DNHD1: variants seen among roughly 807,000 people sequenced by gnomAD.
The protein encoded by DNHD1 is dynein heavy chain domain-containing protein 1.
Under a neutral mutation model 458.1 loss-of-function variants are expected in DNHD1, and 383 were observed. The observed-to-expected ratio is 0.84, with a 90% confidence interval of 0.77 to 0.91. DNHD1 has a LOEUF of 0.91. Ranked by LOEUF, DNHD1 falls within the 40% of genes least tolerant of loss-of-function variation. The pLI is 0.00. For missense variants in DNHD1, 5,336 were observed against 5,866.1 expected (o/e 0.91, Z 2.95); for synonymous variants, 2,203 against 2,376.9 (o/e 0.93, Z 2.13).
chr11:6,534,267 C>A, intron 14 of DNHD1, 94 bp downstream of exon 14: 1 of 1,316,966 alleles, frequency 7.6e-7, no homozygotes, highest in Non-Finnish European at 1.0e-6. Flanking sequence ...TCCTGTATGA[C>A]CCCAAGCAAG....
chr11:6,512,290 G>T (rs1349380336), intron 7 of DNHD1, among the ~76,000 whole-genome samples: 1 of 133,694 alleles, frequency 7.5e-6, no homozygotes, highest in Admixed American at 8.4e-5. Context: ...GCGGGATCTC[G>T]GCTCACTGCA....
At chr11:6,538,332 C>T in intron 14 of DNHD1, 51 bp from the exon 15 acceptor site, 1 of 1,541,120 alleles carries the variant, frequency 6.5e-7, no homozygotes, top group Non-Finnish European at 8.8e-7. Context: ...TCCACCACCC[C>T]CCTCCCAACA....
chr11:6,534,867 C>T (rs1475884122), intron 14 of DNHD1, among the ~76,000 whole-genome samples: 2 of 152,216 alleles, frequency 1.3e-5, no homozygotes, highest in African/African-American at 4.8e-5. Context: ...CCATCTCAGC[C>T]TCCTGAGTAG....
chr11:6,546,176 C>A lies in DNHD1; in HGVS notation c.5237C>A (p.Pro1746His), dbSNP rs1251983142. 1 of 1,551,064 alleles carries A rather than the reference C, an allele frequency of 6.4e-7. No homozygotes were observed. Among genetic ancestry groups the A allele is most frequent in the Admixed American group, 2.0e-5 (1 of 50,978 alleles). The change falls in exon 21 of 43, where the codon CCT (proline) becomes CAT (histidine). Residue 1746 changes from proline to histidine, a missense_variant. Around this residue, in one of 4 missense-constraint regions of DNHD1, gnomAD observed 3,932 missense variants for 4,365.6 expected, o/e 0.90. Coordinates refer to ENST00000254579, the MANE Select transcript of DNHD1 (RefSeq NM_144666.3). ...LLLEKVHQLP[P>H]GLLSALGQRL... The stretch of plus-strand genomic sequence containing the variant: ...TTGGAGAAAGTTCATCAGCTGCCCC[C>A]TGGCTTGCTCTCTGCCCTGGGCCAG...
Position 6,520,591 on chromosome 11 carries a change from T to C in DNHD1, c.1837+302T>C. Reference sequence around the variant, plus strand: ...CAAACTCTGTGAGGTTTTTCTCCAGTGCCATAATTGCATTTCATTTACTAC... The same window carrying C: ...CAAACTCTGTGAGGTTTTTCTCCAGCGCCATAATTGCATTTCATTTACTAC... On this transcript the variant is annotated intron_variant, in intron 10 of 42. Coordinates refer to ENST00000254579, the MANE Select transcript of DNHD1 (RefSeq NM_144666.3). 3.3e-6 allele frequency: 4 copies of C among 1,213,612 alleles called. No homozygotes were observed. The South Asian group carries it at 8.7e-5, about 26-fold the overall frequency. 75.2% of individuals were successfully genotyped at this position (1,213,612 alleles called of 1,614,324 possible). A position where few individuals can be genotyped will look rare whatever the true frequency, so the allele number is the denominator to read the frequency against.
At chr11:6,529,170 A>G (rs770995233) in intron 12 of DNHD1, 49 bp downstream of exon 12, 16 of 1,541,830 alleles carry the variant, frequency 1.0e-5, no homozygotes, top group South Asian at 3.6e-5. Context: ...CTGTATGTCT[A>G]TTCACATGGC....
chr11:6,517,649 CTTCTTTTTTTTT>C (rs1852506577), intron 7 of DNHD1, among the ~76,000 whole-genome samples: 1 of 85,614 alleles, frequency 1.2e-5, no homozygotes, highest in Admixed American at 1.7e-4. Flanking sequence ...TGATCTAGGA[CTTCTTTTTTTTT>C]TTTTTTTTTT....
Position 6,545,857 on chromosome 11 carries a change from A to AT in DNHD1, c.4919dup (p.Asp1641ArgfsTer17). ...CTCTCTGTCACCAGCGGCATGCTGG[A>AT]TAGATGTGCTAGGCAGGTCCTTCCT... On this transcript the variant is annotated frameshift_variant, in exon 21 of 43. Transcript: ENST00000254579. The surrounding 1 kb of genome is among the most constrained non-coding windows in gnomAD (Gnocchi z 4.9). The AT allele has an allele frequency of 6.4e-7, 1 of 1,551,836 alleles. No individual in the cohort carries two copies. Among genetic ancestry groups the AT allele is most frequent in the Non-Finnish European group, 8.7e-7 (1 of 1,146,990 alleles).
At position 6,567,175 on chromosome 11, in the gene DNHD1, T is replaced by C; in HGVS notation, c.11666T>C (p.Leu3889Pro). The C allele has an allele frequency of 1.2e-6, 2 of 1,614,020 alleles. No individual in the cohort carries two copies. The highest frequency in any genetic ancestry group is 1.7e-6 in the Non-Finnish European group (2 of 1,179,888). Residue 3889 changes from leucine (L) to proline (P), a missense_variant, in exon 36 of 43, where the codon CTG becomes CCG. By Grantham distance (98) the Leu-to-Pro change is moderately conservative (BLOSUM62 -3). Transcript: ENST00000254579. ...ENWLAVTKQALDSMKPREINH... is the reference protein window; with the variant it reads ...ENWLAVTKQAPDSMKPREINH... ...TGGCTGGCAGTCACTAAGCAGGCTC[T>C]GGACAGCATGAAGCCACGTGAGATT...
In DNHD1 at chr11:6,566,652, G is replaced by A; in HGVS notation, c.11272G>A (p.Glu3758Lys). ...LDLGLNMEILEEQMLHEILCR... is the reference protein window; with the variant it reads ...LDLGLNMEILKEQMLHEILCR... ...TCTGGGCCTGAACATGGAAATACTG[G>A]AAGAACAGATGCTGCATGAAATCTT... The change falls in exon 35 of 43, where the codon GAA becomes AAA. Residue 3758 changes from glutamate (E) to lysine (K), a missense_variant. Around this residue, in one of 4 missense-constraint regions of DNHD1, gnomAD observed 695 missense variants for 804.2 expected, o/e 0.86. Transcript: ENST00000254579. The A allele has an allele frequency of 1.2e-6, 2 of 1,613,784 alleles. No individual in the cohort carries two copies. Among genetic ancestry groups the A allele is most frequent in the Non-Finnish European group, 1.7e-6 (2 of 1,179,826 alleles).
rs1371581924 is a variant in DNHD1 at position 6,571,793 on chromosome 11, C to A, written c.14069C>A (p.Ala4690Asp). Residue 4690 changes from alanine to aspartate, a missense_variant, in exon 43 of 43, where the codon GCC (alanine) becomes GAC (aspartate). By Grantham distance (126) the Ala-to-Asp change is moderately radical. Coordinates refer to ENST00000254579, the MANE Select transcript of DNHD1 (RefSeq NM_144666.3). The surrounding 1 kb of genome is among the most constrained non-coding windows in gnomAD (Gnocchi z 5.0). ...CCTCCCGTCAGCATCAGCACACAGG[C>A]CCCGGGCACCAGTGACCTGCCAGCC... ...PLPPVSISTQAPGTSDLPAPA... is the reference protein window; with the variant it reads ...PLPPVSISTQDPGTSDLPAPA... 3 of 1,613,884 alleles carry A rather than the reference C, an allele frequency of 1.9e-6. No homozygotes were observed. In the African/African-American group the frequency reaches 4.0e-5, roughly 22 times the overall value.
intron 19 of DNHD1, 43 bp downstream of exon 19, chr11:6,544,289 G>A (rs1853160323): frequency 1.3e-6 from 2 of 1,550,210 alleles, no homozygotes; most frequent in African/African-American, 1.4e-5. Flanking sequence ...GAGACCTGAG[G>A]CAGGATGTCC....
At position 6,548,946 on chromosome 11, in the gene DNHD1, G is replaced by T; in HGVS notation, c.7387+13G>T. On this transcript the variant is annotated intron_variant, in intron 24 of 42. Coordinates refer to ENST00000254579, the MANE Select transcript of DNHD1 (RefSeq NM_144666.3). This position sits in a 1 kb window ranked among gnomAD's most constrained non-coding sequence, Gnocchi z 4.4. ...CTAGCCACTTCTGGTGAGGAGCTGC[G>T]AAGAGGGAAGGAAGGAGCTACTGTC... 6.4e-7 allele frequency: 1 copy of T among 1,550,780 alleles called. No individual in the cohort carries two copies. Among genetic ancestry groups the T allele is most frequent in the East Asian group, 2.4e-5 (1 of 40,922 alleles).
chr11:6,529,179 G>A, intron 12 of DNHD1, 58 bp downstream of exon 12: 1 of 1,533,566 alleles, frequency 6.5e-7, no homozygotes, highest in Admixed American at 2.0e-5. Flanking sequence ...TATTCACATG[G>A]CCTGCCTTGG....
rs180726727 is a variant in DNHD1 at position 6,504,915 on chromosome 11, C to T, written c.920+1989C>T. On this transcript the variant is annotated intron_variant, in intron 4 of 42. Coordinates refer to ENST00000254579, the MANE Select transcript of DNHD1 (RefSeq NM_144666.3). ...GCTTGAACAGAGCTTGCTGTAGCCT[C>T]CACCTTCTGGGCTCAAGTGATCCTC... is the stretch of plus-strand genomic sequence containing the variant. 2.2e-3 allele frequency among the ~76,000 whole-genome samples: 332 copies of T among 152,276 alleles called. 2 individuals are homozygous for T. Among genetic ancestry groups the T allele is most frequent in the African/African-American group, 7.3e-3 (305 of 41,546 alleles).
intron 7 of DNHD1, among the ~76,000 whole-genome samples, chr11:6,513,513 G>A (rs1589868738): frequency 1.3e-5 from 2 of 152,282 alleles, no homozygotes; most frequent in African/African-American, 2.4e-5. Context: ...ATGTTTGTGA[G>A]ATTTATCCGT....
chr11:6,523,600 G>T (rs1358176070), intron 10 of DNHD1, among the ~76,000 whole-genome samples: 2 of 152,136 alleles, frequency 1.3e-5, no homozygotes, highest in African/African-American at 2.4e-5. Context: ...TGACTCATAT[G>T]TATTATATCA....
Position 6,529,060 on chromosome 11 carries a change from C to A in DNHD1, c.2286C>A (p.Ile762=). 1 of 1,550,826 alleles carries A rather than the reference C, an allele frequency of 6.4e-7. No individual in the cohort carries two copies. Among genetic ancestry groups the A allele is most frequent in the East Asian group, 2.4e-5 (1 of 40,918 alleles). Residue 762 remains isoleucine (I), a synonymous_variant, in exon 12 of 43, where the codon ATC becomes ATA. Transcript: ENST00000254579. ...VWQARVSSMP[I]ELLTKGGLLL... is the part of the protein sequence containing the mutation. ...AGGCCCGTGTCTCCAGTATGCCTATCGAGTTGCTCACAAAAGGCGGGTTGC... is the reference window on the plus strand; with the variant it reads ...AGGCCCGTGTCTCCAGTATGCCTATAGAGTTGCTCACAAAAGGCGGGTTGC...
chr11:6,537,274 T>C (rs1433959068), intron 14 of DNHD1, among the ~76,000 whole-genome samples: 1 of 152,184 alleles, frequency 6.6e-6, no homozygotes, highest in Non-Finnish European at 1.5e-5. Flanking sequence ...GAGGTAAACA[T>C]GACAGGTCCT....
Sources: allele counts gnomAD v4.1 joint callset (sites outside exome capture counted in the v4.1 genomes callset), GRCh38; gene constraint gnomAD v4.1.1; regional missense constraint gnomAD v4.1.1; non-coding constraint Gnocchi (gnomAD v3.1); transcripts MANE v1.5; gene names NCBI Gene and HGNC (gene_info 2026-07-23, HGNC 2026-07-21).